The following API5 variants were observed in gnomAD, a reference collection of about 807,000 sequenced individuals.
The protein encoded by API5 is FIF.
API5 carries 6 observed loss-of-function variants against 71.9 expected under a neutral mutation model. The ratio of observed to expected loss-of-function variants is 0.08; its 90% CI spans 0.05 to 0.16. API5 has a LOEUF of 0.16. API5 is among the 10% of genes least tolerant of loss of function. API5 has a pLI of 1.00. For synonymous variants in API5, 189 were observed against 221.3 expected, an observed-to-expected ratio of 0.85 and a Z score of 1.30; for missense variants, 332 against 612.8, an observed-to-expected ratio of 0.54 and a Z score of 4.84.
intron 1 of API5, among the ~76,000 whole-genome samples, chr11:43,313,663 GA>G (rs1227207375): frequency 6.6e-6 from 1 of 152,106 alleles, no homozygotes; most frequent in Non-Finnish European, 1.5e-5. Context: ...AATAGCAAAT[GA>G]TTTTTTTTCC....
rs564677067 is a variant in API5, at chr11:43,335,273, T to C, written c.1279-5T>C. ...AGAATTCTTGCCTGATTTCTGTCTC[T>C]GCAGGATCTCTTCCACATTCCTCCT... On this transcript the variant is annotated splice_region_variant and splice_polypyrimidine_tract_variant and intron_variant, in intron 11 of 13. Coordinates refer to ENST00000531273, the MANE Select transcript of API5 (RefSeq NM_001142930.2). 1.9e-6 allele frequency: 3 copies of C among 1,598,798 alleles called. No individual in the cohort carries two copies. The highest frequency in any genetic ancestry group is 2.7e-5 in the African/African-American group (2 of 74,702).
In API5 at chr11:43,321,434, G is replaced by C; in HGVS notation, c.349G>C (p.Val117Leu). 1 of 1,611,374 alleles carries C rather than the reference G, an allele frequency of 6.2e-7. No homozygotes were observed. Among genetic ancestry groups the C allele is most frequent in the Non-Finnish European group, 8.5e-7 (1 of 1,178,768 alleles). Reference sequence around the variant, plus strand: ...AGATGACTCTGCAGAATTTAACCTAGTGAACAATGCCCTATTAAGTATATT... The same window carrying C: ...AGATGACTCTGCAGAATTTAACCTACTGAACAATGCCCTATTAAGTATATT... ...QTDDSAEFNL[V>L]NNALLSIFKM... The change falls in exon 4 of 14, where the codon GTG becomes CTG. Residue 117 changes from valine to leucine, a missense_variant. Transcript: ENST00000531273.
chr11:43,319,554 C>T (rs893312742), intron 2 of API5, among the ~76,000 whole-genome samples: 1 of 152,026 alleles, frequency 6.6e-6, no homozygotes, highest in African/African-American at 2.4e-5. Context: ...ACTTTAGCCT[C>T]CCAAGCAGCA....
intron 11 of API5, among the ~76,000 whole-genome samples, chr11:43,332,748 T>TGA (rs1403045245): frequency 6.6e-6 from 1 of 152,148 alleles, no homozygotes; most frequent in African/African-American, 2.4e-5. Context: ...TACATAGGCA[T>TGA]GATTGATTAA....
chr11:43,341,398 C>G (rs1855606992), intron 13 of API5, among the ~76,000 whole-genome samples: 1 of 152,154 alleles, frequency 6.6e-6, no homozygotes. Context: ...CAATGGGATA[C>G]TATTCAGCCA....
intron 6 of API5, 98 bp from the exon 7 acceptor site, chr11:43,326,409 G>A: frequency 1.3e-6 from 1 of 752,670 alleles, no homozygotes; most frequent in Non-Finnish European, 2.3e-6. Flanking sequence ...CAGAATACTT[G>A]ATGCTGTAGC....
intron 13 of API5, among the ~76,000 whole-genome samples, chr11:43,341,982 TACAA>T (rs1334219847): frequency 3.3e-5 from 5 of 150,160 alleles, no homozygotes; most frequent in Admixed American, 6.6e-5. Flanking sequence ...GACCTGTCTC[TACAA>T]AAAAAAAAAA....
At chr11:43,320,762 C>A in intron 2 of API5, 59 bp from the exon 3 acceptor site, 1 of 1,225,204 alleles carries the variant, frequency 8.2e-7, no homozygotes, top group East Asian at 2.3e-5. Context: ...AAAGAAAAAG[C>A]TGTTTGTTAT....
At chr11:43,313,106 C>CA (rs34061133) in intron 1 of API5, among the ~76,000 whole-genome samples, 48,602 of 106,454 alleles carry the variant, frequency 0.46, 9,539 homozygotes, top group East Asian at 0.76. Flanking sequence ...GACCCCGTCT[C>CA]AAAAAAAAAA....
At chr11:43,312,301 T>A in intron 1 of API5, 105 bp downstream of exon 1, 1 of 1,223,574 alleles carries the variant, frequency 8.2e-7, no homozygotes, top group Non-Finnish European at 1.2e-6. Flanking sequence ...GGCTTCATCC[T>A]CCCGGGGCCT....
intron 1 of API5, among the ~76,000 whole-genome samples, chr11:43,317,696 A>ATC (rs1854718780): frequency 6.6e-6 from 1 of 152,178 alleles, no homozygotes; most frequent in Non-Finnish European, 1.5e-5. Flanking sequence ...TTACTTGTTT[A>ATC]AGATAGAGTC....
intron 1 of API5, among the ~76,000 whole-genome samples, chr11:43,314,305 A>G (rs1418935943): frequency 6.6e-6 from 1 of 152,180 alleles, no homozygotes; most frequent in African/African-American, 2.4e-5. Flanking sequence ...TGGTTGTGTC[A>G]GGAATCCTTC....
intron 1 of API5, among the ~76,000 whole-genome samples, chr11:43,318,197 C>T (rs932761960): frequency 4.0e-5 from 6 of 151,280 alleles, no homozygotes; most frequent in African/African-American, 9.7e-5. Flanking sequence ...TTAGTAGAGA[C>T]GGGGTTTAAC....
At chr11:43,325,541 C>A (rs972753400) in intron 6 of API5, among the ~76,000 whole-genome samples, 1 of 152,190 alleles carries the variant, frequency 6.6e-6, no homozygotes. Context: ...TCAGTTGGTT[C>A]AGCTTATTCA....
Position 43,330,014 on chromosome 11 carries a change from T to C in API5, c.1177T>C (p.Leu393=). The change falls in exon 10 of 14, where the codon TTA becomes CTA. Residue 393 remains leucine (L), a synonymous_variant. Coordinates refer to ENST00000531273, the MANE Select transcript of API5 (RefSeq NM_001142930.2). ...GLQVYIRQLR[L]ALQGKTGEAL... is the part of the protein sequence containing the mutation. ...GCAAGTTTATATCAGACAACTTCGC[T>C]TAGCTCTCCAGGGTAAAACGGGTGA... 1.2e-6 allele frequency: 2 copies of C among 1,613,920 alleles called. No individual in the cohort carries two copies. The highest frequency in any genetic ancestry group is 1.7e-6 in the Non-Finnish European group (2 of 1,179,860).
chr11:43,323,621 A>C lies in API5; in HGVS notation c.735A>C (p.Ala245=), dbSNP rs201696733. ...VDRLLQCTRQ[A]VPLFSKNVHS... is the part of the protein sequence containing the mutation. ...GGCTCTTACAGTGCACTCGGCAGGCAGTACCCCTCTTCTCTGTGAGCTCTT... is the reference window on the plus strand; with the variant it reads ...GGCTCTTACAGTGCACTCGGCAGGCCGTACCCCTCTTCTCTGTGAGCTCTT... The change falls in exon 6 of 14, where the codon GCA becomes GCC. Residue 245 remains alanine (A), a synonymous_variant. Coordinates refer to ENST00000531273, the MANE Select transcript of API5 (RefSeq NM_001142930.2). The C allele has an allele frequency of 1.5e-4, 240 of 1,613,886 alleles. No homozygotes were observed. Among genetic ancestry groups the C allele is most frequent in the Non-Finnish European group, 1.9e-4 (227 of 1,179,864 alleles).
At chr11:43,321,150 C>T (rs968619451) in intron 3 of API5, among the ~76,000 whole-genome samples, 1 of 152,110 alleles carries the variant, frequency 6.6e-6, no homozygotes, top group African/African-American at 2.4e-5. Context: ...TTCTTTTGGG[C>T]ATTTTGATAT....
In API5 at chr11:43,312,184, G is replaced by C. The variant is rs1311287436; in HGVS notation, c.57G>C (p.Glu19Asp). The change falls in exon 1 of 14, where the codon GAG (glutamate) becomes GAC (aspartate). Residue 19 changes from glutamate (E) to aspartate (D), a missense_variant. By Grantham distance (45) the Glu-to-Asp change is conservative (BLOSUM62 2). Coordinates refer to ENST00000531273, the MANE Select transcript of API5 (RefSeq NM_001142930.2). ...RNYGILADATEQVGQHKDAYQ... is the reference protein window; with the variant it reads ...RNYGILADATDQVGQHKDAYQ... ...ATGGCATCCTGGCCGATGCCACGGA[G>C]CAAGTGGGCCAGGTGAGTTGAGTCC... The C allele has an allele frequency of 7.4e-6, 12 of 1,613,780 alleles. No individual in the cohort carries two copies. The highest frequency in any genetic ancestry group is 1.0e-5 in the Non-Finnish European group (12 of 1,179,898).
chr11:43,343,884 T>C lies in API5; in HGVS notation c.*1374T>C, dbSNP rs1431484943. On this transcript the variant is annotated 3_prime_UTR_variant, in exon 14 of 14. Transcript: ENST00000531273. ...TGATGTATTTTTCTGAGGAATAGTT[T>C]GTGATTCCAATGCAGGTGTCTTCAT... The C allele has an allele frequency of 6.6e-6, 1 of 152,662 alleles. No homozygotes were observed. The highest frequency in any genetic ancestry group is 2.4e-5 in the African/African-American group (1 of 41,466). The allele number at this position is 152,662 out of a possible 1,614,324, so 9.5% of individuals were successfully genotyped here.
Sources: gnomAD v4.1 joint callset for allele counts (sites outside exome capture counted in the v4.1 genomes callset) on GRCh38, gnomAD v4.1.1 for gene constraint, MANE v1.5 for transcripts, NCBI Gene and HGNC (gene_info 2026-07-23, HGNC 2026-07-21) for gene names.